Variants in VAC14 observed in about 807,000 individuals in gnomAD.
VAC14 encodes the protein protein VAC14 homolog.
Under a neutral mutation model 85.3 loss-of-function variants are expected in VAC14, and 47 were observed. The ratio of observed to expected loss-of-function variants is 0.55; its 90% CI spans 0.44 to 0.70. VAC14 has a LOEUF of 0.70. VAC14 is among the 30% of genes least tolerant of loss of function. The pLI is 0.00. For synonymous variants in VAC14, 447 were observed against 430.5 expected (o/e 1.04, Z -0.47); for missense variants, 861 against 1,004.3 (o/e 0.86, Z 1.93).
chr16:70,701,948 C>T (rs1394035029), intron 14 of VAC14, among the ~76,000 whole-genome samples: 1 of 152,212 alleles, frequency 6.6e-6, no homozygotes, highest in Non-Finnish European at 1.5e-5. Flanking sequence ...TCCTCCCAGA[C>T]ATCGAGGCCT....
chr16:70,698,995 G>C (rs540962430), intron 14 of VAC14, among the ~76,000 whole-genome samples, 184 bp from the exon 15 acceptor site: 2 of 152,086 alleles, frequency 1.3e-5, no homozygotes, highest in Non-Finnish European at 2.9e-5. Flanking sequence ...GGGGAATGCC[G>C]CACCTGCCTC....
At chr16:70,794,985 T>A (rs1334369031) in intron 1 of VAC14, among the ~76,000 whole-genome samples, 1 of 152,246 alleles carries the variant, frequency 6.6e-6, no homozygotes, top group Non-Finnish European at 1.5e-5. Flanking sequence ...TATATTGGGG[T>A]ACACACATAC....
At chr16:70,789,894 CGAG>C (rs2034258046) in intron 1 of VAC14, among the ~76,000 whole-genome samples, 1 of 152,098 alleles carries the variant, frequency 6.6e-6, no homozygotes, top group Admixed American at 6.5e-5. Flanking sequence ...GGGACATCCT[CGAG>C]GCTTCAGCAA....
At chr16:70,730,068 C>G (rs1476623597) in intron 14 of VAC14, among the ~76,000 whole-genome samples, 3 of 152,012 alleles carry the variant, frequency 2.0e-5, no homozygotes, top group African/African-American at 7.3e-5. Flanking sequence ...CCTGGACACC[C>G]TGACACTCCC....
intron 13 of VAC14, among the ~76,000 whole-genome samples, chr16:70,742,654 A>T (rs1282731933): frequency 1.3e-5 from 2 of 152,216 alleles, no homozygotes; most frequent in South Asian, 2.1e-4. Flanking sequence ...GTCCTGGGGC[A>T]CAGGCAGCCC....
rs75598607 is a variant in VAC14 at position 70,725,613 on chromosome 16, A to G, written c.1661+5882T>C. 6.3e-3 allele frequency among the ~76,000 whole-genome samples: 963 copies of G among 152,104 alleles called. 9 individuals are homozygous for G. The highest frequency in any genetic ancestry group is 0.031 in the Middle Eastern group (9 of 294). On this transcript the variant is annotated intron_variant, in intron 14 of 18. Coordinates refer to ENST00000261776, the MANE Select transcript of VAC14 (RefSeq NM_018052.5). ...GGGAGGGGCAGTAGCAGAGGCACAT[A>G]TTAGGGACTGAGCATTTGCTCAGCT... is the stretch of plus-strand genomic sequence containing the variant.
At chr16:70,746,796 G>A (rs1030618985) in intron 12 of VAC14, among the ~76,000 whole-genome samples, 2 of 152,142 alleles carry the variant, frequency 1.3e-5, no homozygotes, top group African/African-American at 2.4e-5. Flanking sequence ...ATGTACAAAG[G>A]CCATGCACAC....
At chr16:70,748,286 A>G (rs1049597162) in intron 12 of VAC14, among the ~76,000 whole-genome samples, 3 of 152,212 alleles carry the variant, frequency 2.0e-5, no homozygotes, top group Non-Finnish European at 2.9e-5. Flanking sequence ...TGTGCTGGGT[A>G]TAAGAGACAC....
At chr16:70,738,365 C>T (rs996460599) in intron 13 of VAC14, among the ~76,000 whole-genome samples, 4 of 152,144 alleles carry the variant, frequency 2.6e-5, no homozygotes, top group Non-Finnish European at 5.9e-5. Context: ...AGGACAGGAG[C>T]GCCGGAGGCA....
chr16:70,797,304 C>A (rs545830427), intron 1 of VAC14, among the ~76,000 whole-genome samples: 1 of 152,138 alleles, frequency 6.6e-6, no homozygotes, highest in Non-Finnish European at 1.5e-5. Context: ...GACACTGACT[C>A]TTCTGGTTAG....
intron 9 of VAC14, chr16:70,773,111 G>A (rs536876928): frequency 9.2e-5 from 14 of 152,180 alleles, no homozygotes; most frequent in Non-Finnish European, 1.5e-5. Flanking sequence ...ATTCTTTCAA[G>A]GGCACGGAAA....
Position 70,718,125 on chromosome 16 carries a change from C to G in VAC14, c.1661+13370G>C, listed in dbSNP as rs367559563. Among the ~76,000 whole-genome samples the G allele has an allele frequency of 1.9e-4, 29 of 152,360 alleles. No individual in the cohort carries two copies. In the East Asian group the frequency reaches 3.5e-3, roughly 18 times the overall value. On this transcript the variant is annotated intron_variant, in intron 14 of 18. Transcript: ENST00000261776. ...GCCCACCCCGGGAGCTCCTCGGCTC[C>G]TCACAGTTATCTACTAGTTGCTTCT...
intron 14 of VAC14, chr16:70,714,681 A>T (rs2054117053): frequency 6.6e-6 from 1 of 152,256 alleles, no homozygotes; most frequent in African/African-American, 2.4e-5. Context: ...CATGGCAGGG[A>T]TGTCTGCGGT....
At chr16:70,740,835 G>A (rs1024297840) in intron 13 of VAC14, among the ~76,000 whole-genome samples, 15 of 152,228 alleles carry the variant, frequency 9.9e-5, no homozygotes, top group Non-Finnish European at 2.1e-4. Flanking sequence ...ACCGCTCTGC[G>A]AGGGAGGGAG....
intron 12 of VAC14, among the ~76,000 whole-genome samples, chr16:70,745,393 C>T (rs993156369): frequency 2.0e-5 from 3 of 152,158 alleles, no homozygotes; most frequent in Non-Finnish European, 4.4e-5. Context: ...GCACCAAGAG[C>T]TGGCAGGGCG....
At chr16:70,759,318 G>C (rs1223004362) in intron 12 of VAC14, among the ~76,000 whole-genome samples, 1 of 152,206 alleles carries the variant, frequency 6.6e-6, no homozygotes, top group East Asian at 1.9e-4. Context: ...GGGGCTGAAG[G>C]GGGAGCTTTT....
At chr16:70,788,809 C>G (rs779296771) in intron 1 of VAC14, among the ~76,000 whole-genome samples, 3 of 152,232 alleles carry the variant, frequency 2.0e-5, no homozygotes, top group Non-Finnish European at 4.4e-5. Flanking sequence ...GTTTTCCTCA[C>G]AGAGAGATCC....
intron 5 of VAC14, among the ~76,000 whole-genome samples, chr16:70,783,890 A>T (rs907371474): frequency 6.6e-6 from 1 of 152,218 alleles, no homozygotes; most frequent in Non-Finnish European, 1.5e-5. Context: ...ACAAGGAAAG[A>T]ACTGGACTCC....
intron 1 of VAC14, among the ~76,000 whole-genome samples, chr16:70,791,249 CCCT>C: frequency 6.6e-6 from 1 of 152,230 alleles, no homozygotes; most frequent in Non-Finnish European, 1.5e-5. Context: ...AAATCCAACC[CCCT>C]GCCTTTCCTG....
Sources: gnomAD v4.1 joint callset for allele counts (sites outside exome capture counted in the v4.1 genomes callset) on GRCh38, gnomAD v4.1.1 for gene constraint, MANE v1.5 for transcripts, NCBI Gene and HGNC (gene_info 2026-07-23, HGNC 2026-07-21) for gene names.